METTL21A: variants seen among roughly 807,000 people sequenced by gnomAD.
METTL21A encodes the protein methyltransferase 21A, HSPA lysine, also known as protein N-lysine methyltransferase METTL21A.
METTL21A carries 22 observed loss-of-function variants against 20.9 expected under a neutral mutation model. That is an observed-to-expected ratio of 1.05 (90% CI 0.75 to 1.50). The LOEUF (loss-of-function observed/expected upper bound fraction) is 1.50. Ranked by LOEUF, METTL21A falls within the 40% of genes most tolerant of loss-of-function variation. The probability of loss-of-function intolerance (pLI) is 0.00; values close to 1 mark genes in which losing one functional copy is unlikely to be tolerated. For missense variants in METTL21A, 271 were observed against 266.8 expected (o/e 1.02, Z -0.11); for synonymous variants, 93 against 102.0 (o/e 0.91, Z 0.53).
chr2:207,586,137 C>T (rs879904644), intron 3 of METTL21A, among the ~76,000 whole-genome samples: 2 of 152,166 alleles, frequency 1.3e-5, no homozygotes. Flanking sequence ...ATAGCCAAAG[C>T]ATTCCTGAAC....
chr2:207,622,561 A>T (rs1385842151), intron 2 of METTL21A, among the ~76,000 whole-genome samples: 1 of 152,224 alleles, frequency 6.6e-6, no homozygotes, highest in African/African-American at 2.4e-5. Flanking sequence ...ATTTTGTTTA[A>T]GGGAATGCCC....
chr2:207,597,153 C>G (rs924331502), intron 3 of METTL21A: 1 of 1,376,052 alleles, frequency 7.3e-7, no homozygotes, highest in Non-Finnish European at 9.7e-7. Flanking sequence ...CTAAACATTT[C>G]TTTTTTTCTA....
chr2:207,582,360 A>G (rs888536237), intron 3 of METTL21A, among the ~76,000 whole-genome samples: 11 of 152,232 alleles, frequency 7.2e-5, no homozygotes, highest in Non-Finnish European at 1.3e-4. Flanking sequence ...GGAATTTTGT[A>G]TATCTCCATC....
chr2:207,584,694 GC>G (rs1298233741), intron 3 of METTL21A, among the ~76,000 whole-genome samples: 1 of 152,168 alleles, frequency 6.6e-6, no homozygotes, highest in Non-Finnish European at 1.5e-5. Context: ...GAGCTACTGT[GC>G]CCAGCCTTCA....
At chr2:207,585,731 TAAAG>T (rs953073839) in intron 3 of METTL21A, among the ~76,000 whole-genome samples, 14 of 152,074 alleles carry the variant, frequency 9.2e-5, no homozygotes, top group Non-Finnish European at 1.3e-4. Flanking sequence ...GGTAAATAGT[TAAAG>T]AAACAAATTC....
chr2:207,583,516 T>G (rs1357074270), intron 3 of METTL21A, among the ~76,000 whole-genome samples: 15 of 152,236 alleles, frequency 9.9e-5, no homozygotes. Context: ...TTTTTGTTTT[T>G]GGCCTAATAG....
chr2:207,620,368 G>A (rs1046473030), intron 3 of METTL21A, among the ~76,000 whole-genome samples: 29 of 151,998 alleles, frequency 1.9e-4, no homozygotes, highest in Non-Finnish European at 3.4e-4. Flanking sequence ...GCTTGAACCC[G>A]GGAGGCGGAG....
At chr2:207,587,552 A>G (rs1574957055) in intron 3 of METTL21A, among the ~76,000 whole-genome samples, 2 of 152,216 alleles carry the variant, frequency 1.3e-5, no homozygotes, top group African/African-American at 4.8e-5. Flanking sequence ...ATATCCATCA[A>G]CATATGAATG....
chr2:207,620,632 A>G (rs2090374824), intron 3 of METTL21A: 2 of 1,529,642 alleles, frequency 1.3e-6, no homozygotes, highest in Non-Finnish European at 1.8e-6. Context: ...GGAATGTTCT[A>G]AGGCTCACCT....
At chr2:207,621,705 C>G (rs2090496895) in intron 3 of METTL21A, 101 bp downstream of exon 3, 2 of 1,009,982 alleles carry the variant, frequency 2.0e-6, no homozygotes, top group Non-Finnish European at 3.1e-6. Flanking sequence ...AAGATAATAA[C>G]CCAGTAAGGG....
upstream of METTL21A, chr2:207,625,665 A>G (rs541283905): frequency 6.6e-6 from 1 of 152,326 alleles, no homozygotes; most frequent in South Asian, 2.1e-4. Flanking sequence ...GCGGGAGAGA[A>G]AAGCCACCCA....
chr2:207,614,320 G>A (rs1398274779), intron 3 of METTL21A, among the ~76,000 whole-genome samples: 1 of 151,968 alleles, frequency 6.6e-6, no homozygotes, highest in Non-Finnish European at 1.5e-5. Context: ...ATGTGAGTAT[G>A]GGAGATCGAG....
intron 2 of METTL21A, 24 bp from the exon 3 acceptor site, chr2:207,621,941 A>C (rs767763564): frequency 1.9e-6 from 3 of 1,600,488 alleles, no homozygotes; most frequent in Non-Finnish European, 2.6e-6. Context: ...CAGTGTGATG[A>C]CGATTAAGGT....
At chr2:207,589,079 G>T (rs1360683130) in intron 3 of METTL21A, among the ~76,000 whole-genome samples, 1 of 152,030 alleles carries the variant, frequency 6.6e-6, no homozygotes, top group Admixed American at 6.6e-5. Flanking sequence ...TTGATCTTAG[G>T]GGGTGTATTA....
chr2:207,606,993 C>T (rs2088210428), downstream of METTL21A, among the ~76,000 whole-genome samples: 1 of 152,036 alleles, frequency 6.6e-6, no homozygotes, highest in Admixed American at 6.5e-5. Flanking sequence ...AAATAAAGCA[C>T]ATAAATTAGG....
chr2:207,588,009 T>G (rs1280536070), intron 3 of METTL21A, among the ~76,000 whole-genome samples: 1 of 152,244 alleles, frequency 6.6e-6, no homozygotes, highest in Non-Finnish European at 1.5e-5. Context: ...TTACCATAAT[T>G]TGATCATTAC....
downstream of METTL21A, among the ~76,000 whole-genome samples, chr2:207,607,966 G>A (rs755641273): frequency 9.2e-5 from 14 of 151,940 alleles, no homozygotes; most frequent in Non-Finnish European, 1.6e-4. Flanking sequence ...AGATACGCGC[G>A]CTCGCTCTCC....
At chr2:207,616,829 C>T (rs369335356) in intron 3 of METTL21A, among the ~76,000 whole-genome samples, 23 of 152,240 alleles carry the variant, frequency 1.5e-4, no homozygotes, top group African/African-American at 4.3e-4. Context: ...GCGACAAGAG[C>T]GAAACTCCCA....
chr2:207,582,025 C>T (rs1192080032), exon 4 of METTL21A: 7 of 698,672 alleles, frequency 1.0e-5, no homozygotes, highest in Admixed American at 4.0e-5. Flanking sequence ...ACATCACATC[C>T]GGGAGCACAT....
Sources: allele counts gnomAD v4.1 joint callset (sites outside exome capture counted in the v4.1 genomes callset), GRCh38; gene constraint gnomAD v4.1.1; transcripts MANE v1.5; gene names NCBI Gene and HGNC (gene_info 2026-07-23, HGNC 2026-07-21).